The following ARHGEF10 variants were observed in gnomAD, a reference collection of about 807,000 sequenced individuals.
ARHGEF10 encodes the protein Rho guanine nucleotide exchange factor (GEF) 10.
Under a neutral mutation model 147.4 loss-of-function variants are expected in ARHGEF10, and 140 were observed. The observed-to-expected ratio is 0.95, with a 90% CI of 0.83 to 1.09. The LOEUF (loss-of-function observed/expected upper bound fraction) is 1.09, where lower values mean the gene tolerates loss of function less well. ARHGEF10 is among the 50% of genes least tolerant of loss of function. The pLI is 0.00. For synonymous variants in ARHGEF10, 902 were observed against 695.8 expected (o/e 1.30, Z -4.67); for missense variants, 2,222 against 1,752.7 (o/e 1.27, Z -4.78).
intron 27 of ARHGEF10, among the ~76,000 whole-genome samples, chr8:1,950,733 T>TTTTTTTTTTTTTTTTTGTTTTTTTGG (rs1814971233): frequency 4.0e-4 from 2 of 4,968 alleles, no homozygotes; most frequent in Non-Finnish European, 5.6e-4. Context: ...TTTTTAGGTT[T>TTTTTTTTTTTTTTTTTGTTTTTTTGG]TTTTTTTTTT....
In ARHGEF10 at chr8:1,885,599, A is replaced by G. The variant is rs763260574; in HGVS notation, c.1076-2A>G. 1.9e-6 allele frequency: 3 copies of G among 1,607,836 alleles called. No individual in the cohort carries two copies. The highest frequency in any genetic ancestry group is 2.6e-6 in the Non-Finnish European group (3 of 1,174,806). On this transcript the variant is annotated splice_acceptor_variant, in intron 10 of 28. Transcript: ENST00000349830. LOFTEE classifies it high-confidence loss of function. The stretch of plus-strand genomic sequence containing the variant: ...TTCATGCATTTTGACTTTTTTTTTA[A>G]GATCACAGATCTTCTCTTGAGGAAG...
At chr8:1,933,973 A>G (rs964613740) in intron 26 of ARHGEF10, 31 bp downstream of exon 26, 2 of 1,614,074 alleles carry the variant, frequency 1.2e-6, no homozygotes, top group Non-Finnish European at 1.7e-6. Flanking sequence ...CACGGTGTGG[A>G]AAAAATGCAT....
chr8:1,823,361 C>A (rs1214139199), upstream of ARHGEF10, among the ~76,000 whole-genome samples: 1 of 91,948 alleles, frequency 1.1e-5, no homozygotes, highest in Non-Finnish European at 2.2e-5. Context: ...GACGGAGGGA[C>A]GGGGGCTCAA....
chr8:1,915,692 G>T (rs1811708869), intron 18 of ARHGEF10, among the ~76,000 whole-genome samples: 1 of 152,226 alleles, frequency 6.6e-6, no homozygotes, highest in Non-Finnish European at 1.5e-5. Flanking sequence ...AAACACTGGT[G>T]TGAATTTTCT....
At chr8:1,826,760 G>T (rs138670085) in intron 1 of ARHGEF10, among the ~76,000 whole-genome samples, 1 of 152,232 alleles carries the variant, frequency 6.6e-6, no homozygotes, top group Non-Finnish European at 1.5e-5. Flanking sequence ...ACAGTGTGTG[G>T]CAGGAAGCAT....
At chr8:1,850,663 T>A (rs1048581886) in intron 2 of ARHGEF10, among the ~76,000 whole-genome samples, 2 of 152,148 alleles carry the variant, frequency 1.3e-5, no homozygotes, top group Non-Finnish European at 2.9e-5. Context: ...CTGAGCACAC[T>A]CTTACCGTGT....
intron 18 of ARHGEF10, among the ~76,000 whole-genome samples, chr8:1,920,240 T>C (rs1167747055): frequency 4.6e-5 from 7 of 152,354 alleles, no homozygotes; most frequent in South Asian, 4.1e-4. Context: ...GTCAATTTGA[T>C]TGGATGATAA....
At chr8:1,831,279 G>T (rs1460376570) in intron 1 of ARHGEF10, among the ~76,000 whole-genome samples, 54 of 118,924 alleles carry the variant, frequency 4.5e-4, no homozygotes, top group African/African-American at 5.3e-4. Context: ...GGGACAGTGT[G>T]ACGGCTGTGG....
intron 5 of ARHGEF10, 84 bp downstream of exon 5, chr8:1,864,520 T>C: frequency 7.1e-7 from 1 of 1,401,992 alleles, no homozygotes; most frequent in South Asian, 1.2e-5. Flanking sequence ...TGTGTGTCCC[T>C]GCCCGCCATC....
chr8:1,826,754 T>C (rs1401056831), intron 1 of ARHGEF10, among the ~76,000 whole-genome samples: 3 of 152,144 alleles, frequency 2.0e-5, no homozygotes, highest in Non-Finnish European at 1.5e-5. Flanking sequence ...TACTGCACAG[T>C]GTGTGGCAGG....
intron 15 of ARHGEF10, among the ~76,000 whole-genome samples, chr8:1,901,252 T>C (rs1208489937): frequency 6.6e-6 from 1 of 152,088 alleles, no homozygotes; most frequent in Admixed American, 6.5e-5. Flanking sequence ...GTGCTGAGTG[T>C]AGGTGGATGG....
intron 15 of ARHGEF10, among the ~76,000 whole-genome samples, chr8:1,898,762 G>A (rs1266940378): frequency 6.6e-6 from 1 of 152,158 alleles, no homozygotes; most frequent in Non-Finnish European, 1.5e-5. Flanking sequence ...GGACAGAGGG[G>A]ATGGGCTGCG....
At position 1,885,642 on chromosome 8, in the gene ARHGEF10, G is replaced by A. The variant is rs758472149; in HGVS notation, c.1117G>A (p.Asp373Asn). 4 of 1,613,856 alleles carry A rather than the reference G, an allele frequency of 2.5e-6. No homozygotes were observed. Among genetic ancestry groups the A allele is most frequent in the Non-Finnish European group, 3.4e-6 (4 of 1,179,984 alleles). ...SLEEEQNLFIDVDCKHPEAIL... is the reference protein window; with the variant it reads ...SLEEEQNLFINVDCKHPEAIL... The stretch of plus-strand genomic sequence containing the variant: ...TGAGGAAGAACAGAATTTGTTCATT[G>A]ATGTTGACTGCAAGCACCCGGAAGC... The change falls in exon 11 of 29, where the codon GAT (aspartate) becomes AAT (asparagine). Residue 373 changes from aspartate to asparagine, a missense_variant. Asp to Asn is a conservative substitution (Grantham distance 23). Coordinates refer to ENST00000349830, the MANE Select transcript of ARHGEF10 (RefSeq NM_014629.4).
intron 15 of ARHGEF10, among the ~76,000 whole-genome samples, chr8:1,899,966 G>A (rs963344323): frequency 3.6e-4 from 55 of 152,200 alleles, no homozygotes; most frequent in African/African-American, 1.3e-3. Context: ...CATGCCCTGT[G>A]TTTAGCGATG....
intron 10 of ARHGEF10, 50 bp from the exon 11 acceptor site, chr8:1,885,551 G>T (rs780300546): frequency 2.4e-5 from 31 of 1,318,470 alleles, no homozygotes; most frequent in East Asian, 1.9e-4. Flanking sequence ...GTAGTGTTGT[G>T]AATATATTAT....
intron 18 of ARHGEF10, among the ~76,000 whole-genome samples, chr8:1,913,023 C>A (rs1160876587): frequency 2.6e-5 from 4 of 152,150 alleles, no homozygotes; most frequent in Non-Finnish European, 5.9e-5. Flanking sequence ...TCACTGTTGC[C>A]ATTCTGTGGG....
At chr8:1,829,307 GGTGC>G (rs1358841113) in intron 1 of ARHGEF10, among the ~76,000 whole-genome samples, 2 of 152,256 alleles carry the variant, frequency 1.3e-5, no homozygotes, top group Non-Finnish European at 2.9e-5. Context: ...TCTTCCTGAT[GGTGC>G]GTGCAGTTCT....
chr8:1,944,232 G>A (rs1585635000), intron 26 of ARHGEF10, among the ~76,000 whole-genome samples: 1 of 151,180 alleles, frequency 6.6e-6, no homozygotes, highest in East Asian at 1.9e-4. Flanking sequence ...CCTCCCTGGG[G>A]GCCCCAGCCT....
chr8:1,851,024 T>C (rs376985797), intron 2 of ARHGEF10, among the ~76,000 whole-genome samples: 20 of 150,096 alleles, frequency 1.3e-4, no homozygotes, highest in Middle Eastern at 3.4e-3. Flanking sequence ...TCAGGGTTGC[T>C]AGGGGTTTGC....
Sources: gnomAD v4.1 joint callset for allele counts (sites outside exome capture counted in the v4.1 genomes callset) on GRCh38, gnomAD v4.1.1 for gene constraint, MANE v1.5 for transcripts, NCBI Gene and HGNC (gene_info 2026-07-23, HGNC 2026-07-21) for gene names.